DOCK1: variants seen among roughly 807,000 people sequenced by gnomAD.
The protein encoded by DOCK1 is dedicator of cytokinesis protein 1.
A neutral mutation model predicts 262.7 loss-of-function variants in DOCK1; 138 were observed. The observed-to-expected ratio is 0.53, with a 90% confidence interval of 0.46 to 0.61. DOCK1 has a LOEUF of 0.61. Ranked by LOEUF, DOCK1 falls within the 20% of genes least tolerant of loss-of-function variation. The pLI, the probability that DOCK1 is intolerant of heterozygous loss-of-function variation, is 0.00. For synonymous variants in DOCK1, 866 were observed against 867.4 expected (o/e 1.00, Z 0.03); for missense variants, 1,908 against 2,370.7 (o/e 0.80, Z 4.05).
chr10:127,058,298 T>C (rs534999557), intron 22 of DOCK1, among the ~76,000 whole-genome samples: 1 of 152,202 alleles, frequency 6.6e-6, no homozygotes, highest in East Asian at 1.9e-4. Flanking sequence ...ATCTTTCCTG[T>C]TGGTCTATTC....
rs529958746 is a variant in DOCK1 at position 127,023,226 on chromosome 10, A to G, written c.1354A>G (p.Thr452Ala). The G allele has an allele frequency of 6.2e-7, 1 of 1,613,992 alleles. No homozygotes were observed. Among genetic ancestry groups the G allele is most frequent in the Non-Finnish European group, 8.5e-7 (1 of 1,179,894 alleles). The change falls in exon 14 of 52, where the codon ACA becomes GCA. Residue 452 changes from threonine (T) to alanine (A), a missense_variant. By Grantham distance (58) the Thr-to-Ala change is moderately conservative. Coordinates refer to ENST00000623213, the MANE Select transcript of DOCK1 (RefSeq NM_001290223.2). ...PGDVRNDIYVTLVQGDFDKGS... is the reference protein window; with the variant it reads ...PGDVRNDIYVALVQGDFDKGS... ...TGATGTTCGAAATGATATCTATGTA[A>G]CATTAGTTCAAGGAGATTTTGATAA... is the stretch of plus-strand genomic sequence containing the variant.
intron 16 of DOCK1, among the ~76,000 whole-genome samples, chr10:127,028,006 T>C (rs564928801): frequency 2.9e-5 from 4 of 138,140 alleles, no homozygotes; most frequent in African/African-American, 1.1e-4. Context: ...GGGATGTGGC[T>C]GACTGGAGGG....
rs2063198400 is a variant in DOCK1, at chr10:127,336,534, AGTTT to A, written c.3045-2471_3045-2468del. On this transcript the variant is annotated intron_variant, in intron 29 of 51. Transcript: ENST00000623213. ...CACATTATTTTAGCATGACATACAT[AGTTT>A]TTTTTTTTTTTTTTTAATTTGAGAC... Among the ~76,000 whole-genome samples the A allele has an allele frequency of 4.0e-5, 6 of 149,138 alleles. No homozygotes were observed. The South Asian group carries it at 1.3e-3, about 32-fold the overall frequency.
intron 23 of DOCK1, among the ~76,000 whole-genome samples, chr10:127,077,390 G>C (rs956898996): frequency 3.3e-5 from 5 of 152,104 alleles, no homozygotes; most frequent in Non-Finnish European, 5.9e-5. Context: ...GCGAGACTGT[G>C]TCTCAAAATA....
At position 127,031,690 on chromosome 10, in the gene DOCK1, C is replaced by T; in HGVS notation, c.1665C>T (p.Val555=). The T allele has an allele frequency of 6.8e-6, 11 of 1,612,686 alleles. No homozygotes were observed. The highest frequency in any genetic ancestry group is 9.3e-6 in the Non-Finnish European group (11 of 1,179,736). The stretch of plus-strand genomic sequence containing the variant: ...AGAAAATATTTGCACTAGCATTTGT[C>T]AAGCTGATGAGATACGATGGTACCA... The part of the protein sequence containing the change: ...KSEKIFALAF[V]KLMRYDGTTL... Residue 555 remains valine, a synonymous_variant, in exon 17 of 52, where the codon GTC becomes GTT. Transcript: ENST00000623213.
chr10:127,173,242 C>T (rs1431790542), intron 27 of DOCK1, among the ~76,000 whole-genome samples: 2 of 151,944 alleles, frequency 1.3e-5, no homozygotes, highest in African/African-American at 4.8e-5. Flanking sequence ...CATTCCATCC[C>T]CTGTCTGCAG....
chr10:127,266,480 A>AACACAC (rs68190118), intron 29 of DOCK1, among the ~76,000 whole-genome samples: 4,121 of 149,134 alleles, frequency 0.028, 139 homozygotes, highest in East Asian at 0.1. Context: ...TAAGTACCAA[A>AACACAC]ACACACACAC....
chr10:126,952,112 G>T (rs1001059461), intron 1 of DOCK1, among the ~76,000 whole-genome samples: 10 of 151,974 alleles, frequency 6.6e-5, no homozygotes, highest in Admixed American at 4.6e-4. Flanking sequence ...CCTCCCAGAG[G>T]GGTGGGATTA....
chr10:126,946,223 C>A (rs1591393245), intron 1 of DOCK1, among the ~76,000 whole-genome samples: 2 of 152,008 alleles, frequency 1.3e-5, no homozygotes. Context: ...AGACTTTCAC[C>A]GTCCCAGACA....
At chr10:127,230,618 C>T (rs1011547083) in intron 27 of DOCK1, among the ~76,000 whole-genome samples, 3 of 152,038 alleles carry the variant, frequency 2.0e-5, no homozygotes, top group South Asian at 2.1e-4. Context: ...TTTCATTGGT[C>T]GATGAGTCTG....
rs1375745164 is a variant in DOCK1, at chr10:127,447,542, G to C, written c.5562G>C (p.Gln1854His). The C allele has an allele frequency of 1.2e-6, 2 of 1,613,664 alleles. No individual in the cohort carries two copies. Among genetic ancestry groups the C allele is most frequent in the African/African-American group, 2.7e-5 (2 of 74,918 alleles). Residue 1854 changes from glutamine (Q) to histidine (H), a missense_variant, in exon 51 of 52, where the codon CAG becomes CAC. By Grantham distance (24) the Gln-to-His change is conservative (BLOSUM62 0). Transcript: ENST00000623213. ...CACCTCCACCTCCCCCTCCACACCAGAGGGTAAGTCGGCAATCTGAAACAC... is the reference window on the plus strand; with the variant it reads ...CACCTCCACCTCCCCCTCCACACCACAGGGTAAGTCGGCAATCTGAAACAC... ...SPTPPPPPPH[Q>H]RHLPPPLPSK...
chr10:127,232,080 G>A (rs920196757), intron 27 of DOCK1, among the ~76,000 whole-genome samples: 40 of 151,948 alleles, frequency 2.6e-4, no homozygotes, highest in Non-Finnish European at 5.7e-4. Context: ...TGAGCCAGGT[G>A]GTCAGCTGGC....
chr10:127,127,055 T>A (rs1454721971), intron 26 of DOCK1, among the ~76,000 whole-genome samples: 1 of 152,136 alleles, frequency 6.6e-6, no homozygotes, highest in Admixed American at 6.5e-5. Flanking sequence ...GGAGAAAAGC[T>A]TGGGGTAAGA....
chr10:127,140,646 G>T (rs2051147132), intron 27 of DOCK1, among the ~76,000 whole-genome samples: 1 of 150,550 alleles, frequency 6.6e-6, no homozygotes, highest in Admixed American at 6.6e-5. Flanking sequence ...CCAAGTCTCT[G>T]GGTTGAGTTT....
At position 127,346,023 on chromosome 10, in the gene DOCK1, G is replaced by A. The variant is rs7100594; in HGVS notation, c.3224+2277G>A. 1.4e-3 allele frequency among the ~76,000 whole-genome samples: 219 copies of A among 152,276 alleles called. 1 individual carries two copies. The highest frequency in any genetic ancestry group is 4.7e-3 in the African/African-American group (197 of 41,562). On this transcript the variant is annotated intron_variant, in intron 31 of 51. Coordinates refer to ENST00000623213, the MANE Select transcript of DOCK1 (RefSeq NM_001290223.2). Reference sequence around the variant, plus strand: ...TTCAGCACGCGCCCCTTGTTGTCCCGTCCAGCAAAAGGACAGCTCGGCCAC... The same window carrying A: ...TTCAGCACGCGCCCCTTGTTGTCCCATCCAGCAAAAGGACAGCTCGGCCAC...
chr10:126,908,513 A>G (rs909049934), intron 1 of DOCK1, among the ~76,000 whole-genome samples: 3 of 152,224 alleles, frequency 2.0e-5, no homozygotes, highest in East Asian at 3.8e-4. Flanking sequence ...ATCACAGCTT[A>G]TTGTTTGCAA....
intron 12 of DOCK1, among the ~76,000 whole-genome samples, chr10:127,018,182 G>A (rs1031786028): frequency 2.6e-5 from 4 of 152,198 alleles, no homozygotes; most frequent in South Asian, 2.1e-4. Context: ...TCCTGGCTGC[G>A]GAGGGCTGTC....
intron 1 of DOCK1, among the ~76,000 whole-genome samples, chr10:126,944,184 A>G (rs922705370): frequency 6.7e-6 from 1 of 149,982 alleles, no homozygotes; most frequent in South Asian, 2.1e-4. Context: ...AAGGAGTGCC[A>G]TGTCCTGACT....
intron 29 of DOCK1, among the ~76,000 whole-genome samples, chr10:127,270,261 A>T (rs896573042): frequency 6.6e-6 from 1 of 152,150 alleles, no homozygotes; most frequent in African/African-American, 2.4e-5. Flanking sequence ...GAAGAAAAAC[A>T]TTTCCAATCA....
Sources: gnomAD v4.1 joint callset for allele counts (sites outside exome capture counted in the v4.1 genomes callset) on GRCh38, gnomAD v4.1.1 for gene constraint, MANE v1.5 for transcripts, NCBI Gene and HGNC (gene_info 2026-07-23, HGNC 2026-07-21) for gene names.